The following TTC13 variants were observed in gnomAD, a reference collection of about 807,000 sequenced individuals.
TTC13 encodes the protein tetratricopeptide repeat protein 13.
In TTC13, 62 loss-of-function variants were observed where a neutral mutation model predicts 120.0. The observed-to-expected ratio is 0.52, with a 90% CI of 0.42 to 0.64. The LOEUF (loss-of-function observed/expected upper bound fraction) is 0.64, where lower values mean the gene tolerates loss of function less well. Ranked by LOEUF, TTC13 falls within the 30% of genes least tolerant of loss-of-function variation. TTC13 has a pLI of 0.00. For synonymous variants in TTC13, 384 were observed against 393.5 expected (o/e 0.98, Z 0.28); for missense variants, 824 against 1,050.2 (o/e 0.78, Z 2.98).
At chr1:230,913,541 G>A (rs894584900) in intron 18 of TTC13, among the ~76,000 whole-genome samples, 4 of 152,116 alleles carry the variant, frequency 2.6e-5, no homozygotes, top group African/African-American at 9.7e-5. Context: ...CTGTTGCAGA[G>A]GCAGGGTCTC....
intron 18 of TTC13, 100 bp downstream of exon 18, chr1:230,916,093 G>A (rs1001801661): frequency 4.6e-6 from 4 of 869,136 alleles, no homozygotes; most frequent in South Asian, 4.1e-5. Flanking sequence ...TTTCAGGATG[G>A]AGCAAAAGTT....
chr1:230,924,077 A>G lies in TTC13; in HGVS notation c.1722-144T>C, dbSNP rs1672830301. ...TGATGTCCATACCTACAAATTCCAA[A>G]CAGATGTTCCAGCTGGACCAGGCGA... On this transcript the variant is annotated intron_variant, in intron 14 of 22. Coordinates refer to ENST00000366661, the MANE Select transcript of TTC13 (RefSeq NM_024525.5). 5.3e-6 allele frequency: 3 copies of G among 568,852 alleles called. No individual in the cohort carries two copies. The South Asian group carries it at 7.9e-5, about 15-fold the overall frequency. The allele number at this position is 568,852 out of a possible 1,614,324, so 35.2% of individuals were successfully genotyped here. A position where few individuals can be genotyped will look rare whatever the true frequency, so the allele number is the denominator to read the frequency against.
At chr1:230,939,069 C>T (rs1206872579) in intron 8 of TTC13, among the ~76,000 whole-genome samples, 1 of 150,912 alleles carries the variant, frequency 6.6e-6, no homozygotes, top group Non-Finnish European at 1.5e-5. Context: ...CTTTCTCTAA[C>T]TCTGCAGTTC....
Position 230,927,864 on chromosome 1 carries a change from T to A in TTC13, c.1457+1073A>T, listed in dbSNP as rs566343143. ...TCATCCATTTGGAATTAGATTACTA[T>A]GCCATCACAAATATCAATTTTATTT... is the stretch of plus-strand genomic sequence containing the variant. On this transcript the variant is annotated intron_variant, in intron 12 of 22. Coordinates refer to ENST00000366661, the MANE Select transcript of TTC13 (RefSeq NM_024525.5). Among the ~76,000 whole-genome samples the A allele has an allele frequency of 2.0e-5, 3 of 152,358 alleles. No individual in the cohort carries two copies. The East Asian group carries it at 5.8e-4, about 29-fold the overall frequency.
At chr1:230,924,697 T>C (rs1430895994) in intron 14 of TTC13, 144 bp downstream of exon 14, 7 of 851,628 alleles carry the variant, frequency 8.2e-6, no homozygotes, top group Non-Finnish European at 1.3e-5. Context: ...CAGCAATTTC[T>C]AACAAACTTT....
At chr1:230,935,427 G>A (rs1011870694) in intron 8 of TTC13, among the ~76,000 whole-genome samples, 1 of 152,242 alleles carries the variant, frequency 6.6e-6, no homozygotes, top group South Asian at 2.1e-4. Context: ...CCTGGGGTAA[G>A]AGAACAGGCT....
chr1:230,917,026 A>C (rs78587442), intron 17 of TTC13, among the ~76,000 whole-genome samples: 1,964 of 152,192 alleles, frequency 0.013, 28 homozygotes, highest in Non-Finnish European at 0.021. Flanking sequence ...AGTTAAGAGA[A>C]GCAACAGTAA....
intron 8 of TTC13, among the ~76,000 whole-genome samples, chr1:230,938,592 A>G (rs1674286463): frequency 1.3e-5 from 2 of 152,262 alleles, no homozygotes; most frequent in African/African-American, 4.8e-5. Flanking sequence ...ACAGTCAATC[A>G]AAGAAGGGTC....
At chr1:230,946,916 CAT>C (rs1675056258) in intron 4 of TTC13, among the ~76,000 whole-genome samples, 1 of 152,076 alleles carries the variant, frequency 6.6e-6, no homozygotes, top group Non-Finnish European at 1.5e-5. Flanking sequence ...AGATGGTAGT[CAT>C]ATTTCATAAA....
intron 3 of TTC13, among the ~76,000 whole-genome samples, chr1:230,955,459 C>A (rs1262274900): frequency 6.7e-6 from 1 of 150,344 alleles, no homozygotes; most frequent in Non-Finnish European, 1.5e-5. Context: ...GTCAGGAGAT[C>A]GAGACCATCC....
At chr1:230,908,513 C>T (rs1671162981) in intron 22 of TTC13, 199 bp downstream of exon 22, 2 of 585,494 alleles carry the variant, frequency 3.4e-6, no homozygotes, top group African/African-American at 1.9e-5. Context: ...TTTATCCATA[C>T]ATTCACCCTT....
At chr1:230,918,156 T>C (rs1391141746) in intron 17 of TTC13, among the ~76,000 whole-genome samples, 1 of 152,262 alleles carries the variant, frequency 6.6e-6, no homozygotes, top group Non-Finnish European at 1.5e-5. Flanking sequence ...TGTTTTGCAC[T>C]TAAACGCTAA....
At position 230,920,554 on chromosome 1, in the gene TTC13, G is replaced by T; in HGVS notation, c.1939C>A (p.Leu647Met). 6.2e-7 allele frequency: 1 copy of T among 1,601,318 alleles called. No individual in the cohort carries two copies. Residue 647 changes from leucine to methionine, a missense_variant, in exon 17 of 23, where the codon CTG becomes ATG. By Grantham distance (15) the Leu-to-Met change is conservative. Around this residue, in one of 4 missense-constraint regions of TTC13, gnomAD observed 226 missense variants for 259.1 expected, o/e 0.87. Transcript: ENST00000366661. Reference protein sequence around the residue: ...PKGLLEVREALEKVHKVEDLL... With the variant: ...PKGLLEVREAMEKVHKVEDLL... Reference sequence around the variant, plus strand: ...TCTTCTACTTTGTGTACCTTTTCCAGGGCTTCCCGAACTTCCAGCAATCCT... The same window carrying T: ...TCTTCTACTTTGTGTACCTTTTCCATGGCTTCCCGAACTTCCAGCAATCCT...
intron 18 of TTC13, 38 bp from the exon 19 acceptor site, chr1:230,912,796 T>C: frequency 1.3e-6 from 2 of 1,583,340 alleles, no homozygotes; most frequent in Non-Finnish European, 1.7e-6. Flanking sequence ...GCATGTATTA[T>C]AAGTTCAAAC....
chr1:230,961,109 G>A (rs1163570502), intron 2 of TTC13, 100 bp downstream of exon 2: 14 of 822,292 alleles, frequency 1.7e-5, no homozygotes, highest in Non-Finnish European at 2.6e-5. Flanking sequence ...TAGACTCAAC[G>A]AGGCCCAACT....
In TTC13 at chr1:230,907,000, T is replaced by C; in HGVS notation, c.2488A>G (p.Thr830Ala). The change falls in exon 23 of 23, where the codon ACT (threonine) becomes GCT (alanine). Residue 830 changes from threonine (T) to alanine (A), a missense_variant. Physicochemically the swap from Thr to Ala is moderately conservative, Grantham distance 58. Around this residue, in one of 4 missense-constraint regions of TTC13, gnomAD observed 226 missense variants for 259.1 expected, o/e 0.87. Coordinates refer to ENST00000366661, the MANE Select transcript of TTC13 (RefSeq NM_024525.5). Reference sequence around the variant, plus strand: ...AACGTTTCTGATACTGATGGAAGAGTCTTATAAGAAGGTGAAATACTGAAA... The same window carrying C: ...AACGTTTCTGATACTGATGGAAGAGCCTTATAAGAAGGTGAAATACTGAAA... ...NLKSISPSYK[T>A]LPSVSETFPT... The C allele has an allele frequency of 6.6e-7, 1 of 1,520,714 alleles. No homozygotes were observed. 94.2% of individuals were successfully genotyped at this position (1,520,714 alleles called of 1,614,324 possible).
At chr1:230,941,612 C>A (rs1038315895) in intron 6 of TTC13, among the ~76,000 whole-genome samples, 1 of 152,164 alleles carries the variant, frequency 6.6e-6, no homozygotes, top group Non-Finnish European at 1.5e-5. Context: ...CTATTCCATC[C>A]TTATTAGACA....
chr1:230,958,182 T>C, intron 3 of TTC13, 42 bp downstream of exon 3: 1 of 1,601,086 alleles, frequency 6.2e-7, no homozygotes, highest in Non-Finnish European at 8.5e-7. Flanking sequence ...ACCAAAACTT[T>C]GAGGCAAATA....
intron 3 of TTC13, chr1:230,956,605 G>A (rs1282855611): frequency 2.7e-6 from 1 of 367,790 alleles, no homozygotes; most frequent in Non-Finnish European, 5.2e-6. Flanking sequence ...AAACAAATAT[G>A]ATTTTTAGAG....
Sources: allele counts gnomAD v4.1 joint callset (sites outside exome capture counted in the v4.1 genomes callset), GRCh38; gene constraint gnomAD v4.1.1; regional missense constraint gnomAD v4.1.1; transcripts MANE v1.5; gene names NCBI Gene and HGNC (gene_info 2026-07-23, HGNC 2026-07-21).